ADAMTSL1: variants seen among roughly 807,000 people sequenced by gnomAD.
The protein encoded by ADAMTSL1 is ADAMTS-like protein 1.
In ADAMTSL1, 126 loss-of-function variants were observed where a neutral mutation model predicts 201.8. The observed-to-expected ratio is 0.62, with a 90% CI of 0.54 to 0.72. The LOEUF (loss-of-function observed/expected upper bound fraction) is 0.72, where lower values mean the gene tolerates loss of function less well. Among genes scored for constraint, ADAMTSL1 ranks in the 30% least tolerant of loss-of-function variants. ADAMTSL1 has a pLI of 0.00. For missense variants in ADAMTSL1, 2,679 were observed against 2,277.8 expected, an observed-to-expected ratio of 1.18 and a Z score of -3.59; for synonymous variants, 1,121 against 903.4, an observed-to-expected ratio of 1.24 and a Z score of -4.32.
chr9:18,835,571 C>G (rs1026377113), intron 23 of ADAMTSL1, among the ~76,000 whole-genome samples: 21 of 151,988 alleles, frequency 1.4e-4, no homozygotes, highest in African/African-American at 5.1e-4. Flanking sequence ...GGTATATTTC[C>G]CAATGCTGAG....
chr9:18,784,538 AC>A (rs1454790121), intron 19 of ADAMTSL1, among the ~76,000 whole-genome samples: 1 of 152,284 alleles, frequency 6.6e-6, no homozygotes, highest in Non-Finnish European at 1.5e-5. Flanking sequence ...TCCTAACCAA[AC>A]ATTTCTGACT....
At chr9:18,360,748 A>G (rs1836482698) in intron 2 of ADAMTSL1, 1 of 152,156 alleles carries the variant, frequency 6.6e-6, no homozygotes, top group Non-Finnish European at 1.5e-5. Context: ...TTAACATCTA[A>G]CATGAAAAAT....
chr9:18,620,015 ATTTTTTTT>A (rs35177614), intron 4 of ADAMTSL1, among the ~76,000 whole-genome samples: 3 of 101,250 alleles, frequency 3.0e-5, no homozygotes, highest in African/African-American at 1.2e-4. Context: ...CAGTTTTCTG[ATTTTTTTT>A]TTTTTTTTTT....
chr9:18,392,046 G>A (rs1204755268), intron 2 of ADAMTSL1, among the ~76,000 whole-genome samples: 7 of 151,658 alleles, frequency 4.6e-5, no homozygotes, highest in South Asian at 2.1e-4. Flanking sequence ...GGATGGTCTC[G>A]ATCTCCTGAC....
intron 2 of ADAMTSL1, among the ~76,000 whole-genome samples, chr9:18,180,174 G>T (rs1828391309): frequency 6.6e-6 from 1 of 152,112 alleles, no homozygotes; most frequent in Non-Finnish European, 1.5e-5. Flanking sequence ...TAAAAGGATG[G>T]AGGAAGATCT....
At chr9:18,554,916 G>T (rs1283611316) in intron 3 of ADAMTSL1, among the ~76,000 whole-genome samples, 2 of 148,070 alleles carry the variant, frequency 1.4e-5, no homozygotes, top group African/African-American at 4.9e-5. Context: ...TTACTCTTGT[G>T]TTGTACATTC....
At chr9:18,679,728 T>A (rs1335697670) in intron 10 of ADAMTSL1, among the ~76,000 whole-genome samples, 2 of 152,088 alleles carry the variant, frequency 1.3e-5, no homozygotes, top group Non-Finnish European at 2.9e-5. Context: ...ATAGCACAGT[T>A]TGAACATCAG....
intron 1 of ADAMTSL1, among the ~76,000 whole-genome samples, chr9:18,010,069 T>C (rs1313589768): frequency 6.6e-6 from 1 of 152,052 alleles, no homozygotes; most frequent in African/African-American, 2.4e-5. Context: ...TGATACTGTG[T>C]GTGGTTAAAT....
intron 1 of ADAMTSL1, among the ~76,000 whole-genome samples, chr9:18,158,014 AT>A: frequency 6.6e-6 from 1 of 152,106 alleles, no homozygotes; most frequent in Admixed American, 6.6e-5. Flanking sequence ...GCAACCAAAA[AT>A]ACTCACAGAG....
intron 14 of ADAMTSL1, chr9:18,718,088 G>T (rs4977338): frequency 0.17 from 234,372 of 1,407,656 alleles, 21,158 homozygotes; most frequent in East Asian, 0.34. Flanking sequence ...GAATTTTGTA[G>T]AAGAATCTAA....
intron 2 of ADAMTSL1, among the ~76,000 whole-genome samples, chr9:18,210,365 A>T (rs1221643709): frequency 2.8e-5 from 4 of 143,676 alleles, no homozygotes; most frequent in African/African-American, 1.0e-4. Context: ...CTTTAAATAG[A>T]AGTCAAAGAA....
chr9:18,563,537 G>A (rs897965377), intron 3 of ADAMTSL1, among the ~76,000 whole-genome samples: 9 of 152,222 alleles, frequency 5.9e-5, no homozygotes, highest in South Asian at 2.1e-4. Context: ...GAGCTCTAGC[G>A]CTGTGCTGGG....
intron 2 of ADAMTSL1, among the ~76,000 whole-genome samples, chr9:18,430,195 G>A (rs1819421956): frequency 6.6e-6 from 1 of 152,124 alleles, no homozygotes; most frequent in African/African-American, 2.4e-5. Flanking sequence ...TCCAGAGTTG[G>A]GCCTGAGATT....
chr9:18,131,903 A>G (rs1163737633), intron 1 of ADAMTSL1, among the ~76,000 whole-genome samples: 1 of 147,432 alleles, frequency 6.8e-6, no homozygotes, highest in Admixed American at 6.8e-5. Context: ...AACTGATCAT[A>G]GTGAGGAGGT....
At position 18,693,084 on chromosome 9, in the gene ADAMTSL1, A is replaced by G. The variant is rs148095759; in HGVS notation, c.1574+8284A>G. ...GATGTTGAGTTTTAAAAAGTAGACA[A>G]AAAAGACAAAAGCTCTCCTTTGGGT... On this transcript the variant is annotated intron_variant, in intron 13 of 28. Transcript: ENST00000380548. Among the ~76,000 whole-genome samples, 451 of 152,314 alleles carry G rather than the reference A, an allele frequency of 3.0e-3. 4 individuals carry two copies. Among genetic ancestry groups the G allele is most frequent in the African/African-American group, 0.01 (421 of 41,568 alleles).
chr9:18,049,404 G>C (rs1366658654), intron 1 of ADAMTSL1, among the ~76,000 whole-genome samples: 1 of 152,150 alleles, frequency 6.6e-6, no homozygotes, highest in Admixed American at 6.5e-5. Context: ...TCTGGGAAAG[G>C]TTTCCTGGCT....
intron 26 of ADAMTSL1, among the ~76,000 whole-genome samples, chr9:18,902,777 C>A (rs949336846): frequency 9.9e-5 from 15 of 151,894 alleles, no homozygotes; most frequent in Non-Finnish European, 1.9e-4. Flanking sequence ...TCAGCAAAAC[C>A]AAAAGTAAAT....
intron 16 of ADAMTSL1, among the ~76,000 whole-genome samples, chr9:18,759,220 C>A (rs1490697507): frequency 6.6e-6 from 1 of 152,144 alleles, no homozygotes; most frequent in Non-Finnish European, 1.5e-5. Context: ...CCCTCTAAAC[C>A]TTTCTTAATC....
intron 2 of ADAMTSL1, among the ~76,000 whole-genome samples, chr9:18,287,546 A>G (rs540135104): frequency 6.8e-4 from 103 of 150,828 alleles, no homozygotes; most frequent in Non-Finnish European, 1.3e-3. Flanking sequence ...AAATACATAT[A>G]CATACATGTA....
Sources: allele counts gnomAD v4.1 joint callset (sites outside exome capture counted in the v4.1 genomes callset), GRCh38; gene constraint gnomAD v4.1.1; transcripts MANE v1.5; gene names NCBI Gene and HGNC (gene_info 2026-07-23, HGNC 2026-07-21).